MKRN2: variants seen among roughly 807,000 people sequenced by gnomAD.
The protein encoded by MKRN2 is E3 ubiquitin-protein ligase makorin-2.
A neutral mutation model predicts 45.4 loss-of-function variants in MKRN2; 32 were observed. The observed-to-expected ratio is 0.70, with a 90% confidence interval of 0.53 to 0.95. The LOEUF is 0.95. Ranked by LOEUF, MKRN2 falls within the 40% of genes least tolerant of loss-of-function variation. The probability of loss-of-function intolerance (pLI) is 0.00; values close to 1 mark genes in which losing one functional copy is unlikely to be tolerated. For missense variants in MKRN2, 526 were observed against 536.7 expected (o/e 0.98, Z 0.20); for synonymous variants, 206 against 192.4 (o/e 1.07, Z -0.59).
In MKRN2 at chr3:12,570,279, G is replaced by A. The variant is rs759819299; in HGVS notation, c.337+27G>A. ...TGAGTAAGCGGAAGCCTTTTGTTGC[G>A]TCTTTTTGCATAGCACTCTTGTTAA... On this transcript the variant is annotated intron_variant, in intron 3 of 7. Transcript: ENST00000170447. The A allele has an allele frequency of 1.9e-5, 30 of 1,600,238 alleles. No homozygotes were observed. In the African/African-American group the frequency reaches 2.8e-4, roughly 15 times the overall value.
Position 12,572,251 on chromosome 3 carries a change from G to C in MKRN2, c.520G>C (p.Ala174Pro). The part of the protein sequence containing the change: ...YSNEQQLCPY[A>P]AAGECRFGDA... The stretch of plus-strand genomic sequence containing the variant: ...CAACGAGCAGCAGCTGTGCCCCTAC[G>C]CAGCTGCTGGGGAGTGCCGGTTTGG... The change falls in exon 4 of 8, where the codon GCA becomes CCA. Residue 174 changes from alanine (A) to proline (P), a missense_variant. Ala to Pro is a conservative substitution (Grantham distance 27). Coordinates refer to ENST00000170447, the MANE Select transcript of MKRN2 (RefSeq NM_014160.5). The C allele has an allele frequency of 6.2e-7, 1 of 1,614,082 alleles. No homozygotes were observed. The highest frequency in any genetic ancestry group is 8.5e-7 in the Non-Finnish European group (1 of 1,179,996).
chr3:12,563,139 TA>T (rs531037549), intron 1 of MKRN2, among the ~76,000 whole-genome samples: 165 of 152,326 alleles, frequency 1.1e-3, no homozygotes, highest in South Asian at 4.1e-3. Context: ...CACCATTGTA[TA>T]GTCACTTAAG....
chr3:12,573,287 G>A (rs975840596), intron 4 of MKRN2, among the ~76,000 whole-genome samples: 9 of 152,066 alleles, frequency 5.9e-5, no homozygotes, highest in Admixed American at 5.2e-4. Flanking sequence ...CACTTTGGCA[G>A]GCCAAGGCAG....
chr3:12,570,077 C>A lies in MKRN2; in HGVS notation c.162C>A (p.Asp54Glu). 1.2e-6 allele frequency: 2 copies of A among 1,608,746 alleles called. No homozygotes were observed. Among genetic ancestry groups the A allele is most frequent in the South Asian group, 1.1e-5 (1 of 90,714 alleles). Residue 54 changes from aspartate (D) to glutamate (E), a missense_variant, in exon 3 of 8, where the codon GAC becomes GAA. Physicochemically the swap from Asp to Glu is conservative, Grantham distance 45. Coordinates refer to ENST00000170447, the MANE Select transcript of MKRN2 (RefSeq NM_014160.5). Reference sequence around the variant, plus strand: ...TGCTGTGTGTTTTGTTTAGATATGACCACACGAGGCCCTCTGCTGCAGCTG... The same window carrying A: ...TGCTGTGTGTTTTGTTTAGATATGAACACACGAGGCCCTCTGCTGCAGCTG... The part of the protein sequence containing the change: ...YCAYGTRCRY[D>E]HTRPSAAAGG...
At chr3:12,580,415 G>T (rs2058169240) in intron 6 of MKRN2, among the ~76,000 whole-genome samples, 1 of 152,048 alleles carries the variant, frequency 6.6e-6, no homozygotes, top group Admixed American at 6.6e-5. Flanking sequence ...CAGATCAGCT[G>T]GCCAGGGAGC....
chr3:12,557,338 C>T (rs1045721454), intron 1 of MKRN2, among the ~76,000 whole-genome samples, 162 bp downstream of exon 1: 3 of 152,214 alleles, frequency 2.0e-5, no homozygotes, highest in Non-Finnish European at 2.9e-5. Context: ...GCGCTGCCGC[C>T]ACAGCCGGGG....
chr3:12,583,704 A>C lies in MKRN2; in HGVS notation c.*1451A>C, dbSNP rs1000848564. 3 of 233,564 alleles carry C rather than the reference A, an allele frequency of 1.3e-5. No homozygotes were observed. In the East Asian group the frequency reaches 1.8e-4, roughly 14 times the overall value. 14.5% of individuals were successfully genotyped at this position (233,564 alleles called of 1,614,324 possible). A position where few individuals can be genotyped will look rare whatever the true frequency, so the allele number is the denominator to read the frequency against. Reference sequence around the variant, plus strand: ...TAAAAACAAAATTAAAACCCAAATCATCAAGAAAACCTGTATTCCTGGCTT... The same window carrying C: ...TAAAAACAAAATTAAAACCCAAATCCTCAAGAAAACCTGTATTCCTGGCTT... On this transcript the variant is annotated 3_prime_UTR_variant, in exon 8 of 8. Transcript: ENST00000170447.
At chr3:12,557,399 A>G (rs115614926) in intron 1 of MKRN2, among the ~76,000 whole-genome samples, 4,730 of 152,268 alleles carry the variant, frequency 0.031, 248 homozygotes, top group African/African-American at 0.11. Flanking sequence ...GCGGGGGGCT[A>G]CGCCCCGAGT....
chr3:12,571,135 T>TC (rs2058096709), intron 3 of MKRN2, among the ~76,000 whole-genome samples: 1 of 135,738 alleles, frequency 7.4e-6, no homozygotes, highest in East Asian at 2.0e-4. Flanking sequence ...TTGTTTTTGT[T>TC]TTTTTTTTGG....
At chr3:12,578,308 ACTTC>A (rs1263213044) in intron 6 of MKRN2, among the ~76,000 whole-genome samples, 252 of 134,956 alleles carry the variant, frequency 1.9e-3, no homozygotes, top group African/African-American at 6.6e-3. Flanking sequence ...GATAAGAGCT[ACTTC>A]TTTTTTTTTT....
chr3:12,583,092 T>A lies in MKRN2; in HGVS notation c.*839T>A, dbSNP rs1361801345. The A allele has an allele frequency of 2.0e-5, 3 of 152,256 alleles. No homozygotes were observed. The highest frequency in any genetic ancestry group is 7.2e-5 in the African/African-American group (3 of 41,474). 9.4% of individuals were successfully genotyped at this position (152,256 alleles called of 1,614,324 possible). A position where few individuals can be genotyped will look rare whatever the true frequency, so the allele number is the denominator to read the frequency against. On this transcript the variant is annotated 3_prime_UTR_variant, in exon 8 of 8. Transcript: ENST00000170447. Reference sequence around the variant, plus strand: ...GAACTCAAATATACGTGCACTTACATGTGTGGTTCGTACTCAAGTGATCTA... The same window carrying A: ...GAACTCAAATATACGTGCACTTACAAGTGTGGTTCGTACTCAAGTGATCTA...
intron 3 of MKRN2, among the ~76,000 whole-genome samples, chr3:12,571,245 G>A (rs2058097493): frequency 6.6e-6 from 1 of 151,990 alleles, no homozygotes; most frequent in Non-Finnish European, 1.5e-5. Flanking sequence ...TGAGTAGCTG[G>A]GAATACAGGT....
intron 3 of MKRN2, among the ~76,000 whole-genome samples, chr3:12,571,687 G>A (rs896467725): frequency 4.6e-5 from 7 of 152,160 alleles, no homozygotes; most frequent in African/African-American, 1.7e-4. Flanking sequence ...TTGCTGGTAT[G>A]AAGGAAACAC....
In MKRN2 at chr3:12,583,398, A is replaced by C. The variant is rs2058203953; in HGVS notation, c.*1145A>C. 1.7e-5 allele frequency: 3 copies of C among 177,248 alleles called. No individual in the cohort carries two copies. In the Admixed American group the frequency reaches 1.9e-4, roughly 11 times the overall value. 11.0% of individuals were successfully genotyped at this position (177,248 alleles called of 1,614,324 possible). ...TACTTAAGGTATTAGCTGAGTTTAG[A>C]GTACTTTCTGCTTAATTAATTTTTA... On this transcript the variant is annotated 3_prime_UTR_variant, in exon 8 of 8. Coordinates refer to ENST00000170447, the MANE Select transcript of MKRN2 (RefSeq NM_014160.5).
intron 4 of MKRN2, among the ~76,000 whole-genome samples, chr3:12,574,218 TCTGGACAGA>T (rs1163720552): frequency 6.6e-6 from 1 of 152,198 alleles, no homozygotes; most frequent in Non-Finnish European, 1.5e-5. Flanking sequence ...TTGTCTCAGA[TCTGGACAGA>T]CTGAGCTTAC....
At position 12,576,736 on chromosome 3, in the gene MKRN2, G is replaced by T. The variant is rs1479539805; in HGVS notation, c.963G>T (p.Gly321=). The T allele has an allele frequency of 2.5e-6, 4 of 1,593,516 alleles. No individual in the cohort carries two copies. The highest frequency in any genetic ancestry group is 1.3e-5 in the African/African-American group (1 of 74,394). The stretch of plus-strand genomic sequence containing the variant: ...AGTTGATTGAAGCTTTCAAACAGGG[G>T]ATGGGGTAAGTGCTTTTGAGTTTCG... ...KNELIEAFKQ[G]MGKKACKYFE... is the part of the protein sequence containing the mutation. Residue 321 remains glycine, a synonymous_variant, in exon 6 of 8, where the codon GGG becomes GGT. Transcript: ENST00000170447.
At chr3:12,557,210 T>C in intron 1 of MKRN2, 34 bp downstream of exon 1, 1 of 1,530,908 alleles carries the variant, frequency 6.5e-7, no homozygotes, top group Non-Finnish European at 8.8e-7. Flanking sequence ...TTCGGGCCGC[T>C]CCCCCAGGCC....
Position 12,559,315 on chromosome 3 carries a change from A to G in MKRN2, c.26+2139A>G, listed in dbSNP as rs191123703. On this transcript the variant is annotated intron_variant, in intron 1 of 7. Coordinates refer to ENST00000170447, the MANE Select transcript of MKRN2 (RefSeq NM_014160.5). ...ATCTACCAAAAGCTTTTCTCACTTT[A>G]TTATCTCATTAACAAAAGCCTTGTC... 4.1e-4 allele frequency among the ~76,000 whole-genome samples: 62 copies of G among 152,284 alleles called. 1 individual carries two copies. Among genetic ancestry groups the G allele is most frequent in the African/African-American group, 1.5e-3 (61 of 41,548 alleles).
intron 6 of MKRN2, among the ~76,000 whole-genome samples, chr3:12,578,299 A>T (rs2058155063): frequency 6.9e-6 from 1 of 144,400 alleles, no homozygotes. Context: ...CTGCTCCAGG[A>T]TAAGAGCTAC....
Sources: allele counts gnomAD v4.1 joint callset (sites outside exome capture counted in the v4.1 genomes callset), GRCh38; gene constraint gnomAD v4.1.1; transcripts MANE v1.5; gene names NCBI Gene and HGNC (gene_info 2026-07-23, HGNC 2026-07-21).